ANO3: variants seen among roughly 807,000 people sequenced by gnomAD.
The protein encoded by ANO3 is anoctamin 3, also known as anoctamin-3.
Under a neutral mutation model 144.8 loss-of-function variants are expected in ANO3, and 99 were observed. The observed-to-expected ratio is 0.68, with a 90% CI of 0.58 to 0.81. The LOEUF is 0.81. ANO3 is among the 30% of genes least tolerant of loss of function. The pLI, the probability that ANO3 is intolerant of heterozygous loss-of-function variation, is 0.00. For missense variants in ANO3, 905 were observed against 1,202.2 expected, an observed-to-expected ratio of 0.75 and a Z score of 3.66; for synonymous variants, 414 against 392.6, an observed-to-expected ratio of 1.05 and a Z score of -0.64.
chr11:26,598,757 T>C, intron 15 of ANO3, 101 bp from the exon 16 acceptor site: 1 of 1,220,026 alleles, frequency 8.2e-7, no homozygotes, highest in South Asian at 1.6e-5. Flanking sequence ...GAAGACTTAA[T>C]ACAAAAGTAG....
At chr11:26,194,448 G>GTGTA (rs1851541388) in intron 1 of ANO3, among the ~76,000 whole-genome samples, 1 of 136,894 alleles carries the variant, frequency 7.3e-6, no homozygotes, top group Non-Finnish European at 1.6e-5. Flanking sequence ...TGGTGTGTGT[G>GTGTA]TGTGTGTGTG....
intron 1 of ANO3, among the ~76,000 whole-genome samples, chr11:26,347,469 G>A (rs181266028): frequency 8.9e-4 from 136 of 152,308 alleles, no homozygotes; most frequent in Middle Eastern, 3.4e-3. Flanking sequence ...TTTTCTCTGA[G>A]ACAAGACCAG....
chr11:26,322,685 C>A (rs538946573), intron 1 of ANO3, among the ~76,000 whole-genome samples: 66 of 152,066 alleles, frequency 4.3e-4, no homozygotes, highest in Non-Finnish European at 7.2e-4. Context: ...TACATATGAT[C>A]AATTAGATTT....
chr11:26,358,770 GCT>G (rs1855851745), intron 1 of ANO3, among the ~76,000 whole-genome samples: 1 of 151,804 alleles, frequency 6.6e-6, no homozygotes, highest in Non-Finnish European at 1.5e-5. Flanking sequence ...GTCCACTCAT[GCT>G]CTTTTTAAAA....
chr11:26,406,522 G>A lies in ANO3; in HGVS notation c.47-35396G>A, dbSNP rs575564617. 2.0e-5 allele frequency among the ~76,000 whole-genome samples: 3 copies of A among 151,866 alleles called. No homozygotes were observed. In the South Asian group the frequency reaches 6.2e-4, roughly 32 times the overall value. On this transcript the variant is annotated intron_variant, in intron 1 of 26. Coordinates refer to ENST00000256737, the MANE Select transcript of ANO3 (RefSeq NM_031418.4). ...AAAAGGTCCTTGGAAAACCAGTTTG[G>A]CATAGTTAGAAAGTTTGCAGTTCAT...
chr11:26,562,245 A>G (rs1037601960), intron 14 of ANO3, among the ~76,000 whole-genome samples: 8 of 151,974 alleles, frequency 5.3e-5, no homozygotes, highest in Admixed American at 5.3e-4. Flanking sequence ...CTAGAAACCC[A>G]TAATCAGAAT....
intron 12 of ANO3, among the ~76,000 whole-genome samples, chr11:26,549,944 T>C (rs1339769369): frequency 1.3e-5 from 2 of 151,936 alleles, no homozygotes; most frequent in Non-Finnish European, 2.9e-5. Context: ...CTCTTGACAC[T>C]GTCCTTAGCA....
chr11:26,236,628 C>T (rs1313215242), intron 1 of ANO3, among the ~76,000 whole-genome samples: 1 of 151,932 alleles, frequency 6.6e-6, no homozygotes, highest in South Asian at 2.1e-4. Context: ...ACCATCCTGG[C>T]TAACACAGTG....
intron 4 of ANO3, among the ~76,000 whole-genome samples, chr11:26,501,936 T>C (rs1861212106): frequency 6.6e-6 from 1 of 152,158 alleles, no homozygotes; most frequent in Non-Finnish European, 1.5e-5. Flanking sequence ...TTCTCTTTCT[T>C]AACTTGGGTA....
intron 1 of ANO3, among the ~76,000 whole-genome samples, chr11:26,261,644 G>A (rs574146499): frequency 6.5e-4 from 99 of 152,218 alleles, no homozygotes; most frequent in African/African-American, 2.2e-3. Flanking sequence ...TTCCACAACC[G>A]ACAGTCACTA....
chr11:26,441,810 A>G, intron 1 of ANO3, 108 bp from the exon 2 acceptor site: 1 of 746,274 alleles, frequency 1.3e-6, no homozygotes, highest in Non-Finnish European at 2.2e-6. Flanking sequence ...TCTAAGTGGC[A>G]CTTTTCAATA....
intron 14 of ANO3, among the ~76,000 whole-genome samples, chr11:26,561,955 G>A (rs532415791): frequency 5.4e-4 from 82 of 151,890 alleles, no homozygotes; most frequent in African/African-American, 1.8e-3. Flanking sequence ...ACTTATTCCT[G>A]TAGCCATCTG....
At chr11:26,288,768 G>A (rs79824192) in intron 1 of ANO3, among the ~76,000 whole-genome samples, 3,249 of 151,998 alleles carry the variant, frequency 0.021, 106 homozygotes, top group African/African-American at 0.07. Context: ...CTGAATACAC[G>A]AAATTAGTCA....
intron 14 of ANO3, among the ~76,000 whole-genome samples, chr11:26,575,933 G>A (rs1389302044): frequency 6.6e-6 from 1 of 152,148 alleles, no homozygotes; most frequent in Non-Finnish European, 1.5e-5. Flanking sequence ...GTTGTTACAA[G>A]ATGATGGAAA....
At chr11:26,492,226 A>C (rs1368891815) in intron 4 of ANO3, among the ~76,000 whole-genome samples, 2 of 152,220 alleles carry the variant, frequency 1.3e-5, no homozygotes, top group Non-Finnish European at 2.9e-5. Context: ...CAGCGAGCTG[A>C]GCTCTATGTT....
intron 1 of ANO3, among the ~76,000 whole-genome samples, chr11:26,264,427 C>A (rs1244297154): frequency 1.3e-5 from 2 of 152,072 alleles, no homozygotes; most frequent in African/African-American, 4.8e-5. Flanking sequence ...ATATCAAGAC[C>A]CAGAAGAAGT....
In ANO3 at chr11:26,421,756, C is replaced by A. The variant is rs116681398; in HGVS notation, c.47-20162C>A. Among the ~76,000 whole-genome samples the A allele has an allele frequency of 1.7e-3, 260 of 152,014 alleles. 1 individual carries two copies. Among genetic ancestry groups the A allele is most frequent in the African/African-American group, 6.0e-3 (250 of 41,494 alleles). On this transcript the variant is annotated intron_variant, in intron 1 of 26. Transcript: ENST00000256737. The stretch of plus-strand genomic sequence containing the variant: ...GTGGTACATATATACCATGGAATAC[C>A]ATGCAACTATAAAAAAGAATGAAAT...
intron 1 of ANO3, among the ~76,000 whole-genome samples, chr11:26,202,660 G>T (rs1851720635): frequency 6.6e-6 from 1 of 151,516 alleles, no homozygotes; most frequent in African/African-American, 2.4e-5. Context: ...AGGGGAAAAT[G>T]AAGTCCAGGT....
chr11:26,618,153 T>C (rs1347388704), intron 17 of ANO3, among the ~76,000 whole-genome samples: 1 of 152,200 alleles, frequency 6.6e-6, no homozygotes, highest in African/African-American at 2.4e-5. Context: ...AAATTGCTTT[T>C]CAAATATAAT....
Sources: gnomAD v4.1 joint callset for allele counts (sites outside exome capture counted in the v4.1 genomes callset) on GRCh38, gnomAD v4.1.1 for gene constraint, MANE v1.5 for transcripts, NCBI Gene and HGNC (gene_info 2026-07-23, HGNC 2026-07-21) for gene names.